PCDHA5: variants seen among roughly 807,000 people sequenced by gnomAD.
PCDHA5 encodes the protein protocadherin alpha 5.
A neutral mutation model predicts 61.6 loss-of-function variants in PCDHA5; 43 were observed. The observed-to-expected ratio is 0.70, with a 90% CI of 0.55 to 0.90. The LOEUF (loss-of-function observed/expected upper bound fraction) is 0.90, where lower values mean the gene tolerates loss of function less well. Among genes scored for constraint, PCDHA5 ranks in the 40% least tolerant of loss-of-function variants. The pLI is 0.00. For missense variants in PCDHA5, 1,298 were observed against 1,222.7 expected, an observed-to-expected ratio of 1.06 and a Z score of -0.92; for synonymous variants, 627 against 543.9, an observed-to-expected ratio of 1.15 and a Z score of -2.13.
intron 1 of PCDHA5, chr5:140,967,197 AC>A: frequency 6.2e-7 from 1 of 1,613,542 alleles, no homozygotes; most frequent in Non-Finnish European, 8.5e-7. Context: ...ATCAACGACA[AC>A]TCACCGCGTT....
At position 140,835,760 on chromosome 5, in the gene PCDHA5, G is replaced by A. The variant is rs2150244250; in HGVS notation, c.2352+11633G>A. On this transcript the variant is annotated intron_variant, in intron 1 of 3. Coordinates refer to ENST00000529859, the MANE Select transcript of PCDHA5 (RefSeq NM_018908.3). ...ACGCCCCGGCGTTCGCGCAGCCCGAGTATACGGTGTTCGTGAAGGAGAACA... is the reference window on the plus strand; with the variant it reads ...ACGCCCCGGCGTTCGCGCAGCCCGAATATACGGTGTTCGTGAAGGAGAACA... 15 of 1,613,420 alleles carry A rather than the reference G, an allele frequency of 9.3e-6. 1 individual carries two copies. The East Asian group carries it at 3.3e-4, about 36-fold the overall frequency.
In PCDHA5 at chr5:140,871,676, A is replaced by G. The variant is rs141392186; in HGVS notation, c.2352+47549A>G. ...TACACATCTTCAGTCTTTTAATCAT[A>G]TGAATAATCTGGCTTCTTTAACCAA... On this transcript the variant is annotated intron_variant, in intron 1 of 3. Coordinates refer to ENST00000529859, the MANE Select transcript of PCDHA5 (RefSeq NM_018908.3). 511 of 1,133,248 alleles carry G rather than the reference A, an allele frequency of 4.5e-4. 2 individuals carry two copies. The African/African-American group carries it at 7.0e-3, about 16-fold the overall frequency. The allele number at this position is 1,133,248 out of a possible 1,614,324, so 70.2% of individuals were successfully genotyped here.
At position 140,835,855 on chromosome 5, in the gene PCDHA5, C is replaced by T. The variant is rs2150246728; in HGVS notation, c.2352+11728C>T. On this transcript the variant is annotated intron_variant, in intron 1 of 3. Coordinates refer to ENST00000529859, the MANE Select transcript of PCDHA5 (RefSeq NM_018908.3). ...GACGCGCAGAAGAACGCGCTGGTGT[C>T]CTACTCGCTGGTGGAGCTGCGGGTG... 9.9e-6 allele frequency: 16 copies of T among 1,612,246 alleles called. 1 individual carries two copies. In the East Asian group the frequency reaches 3.6e-4, roughly 36 times the overall value.
Position 140,821,853 on chromosome 5 carries a change from G to C in PCDHA5, c.78G>C (p.Gly26=). 1 of 1,614,206 alleles carries C rather than the reference G, an allele frequency of 6.2e-7. No individual in the cohort carries two copies. The highest frequency in any genetic ancestry group is 1.1e-5 in the South Asian group (1 of 91,088). The change falls in exon 1 of 4, where the codon GGG becomes GGC. Residue 26 remains glycine, a synonymous_variant. Transcript: ENST00000529859. ...TTCTCCTTGCCTACTGGAAGGCAGG[G>C]AGCGGCCAGCTCCACTACTCGATCC... ...LWLLLAYWKA[G]SGQLHYSIPE... is the part of the protein sequence containing the mutation.
chr5:140,892,596 T>C (rs143701120), intron 1 of PCDHA5, among the ~76,000 whole-genome samples: 79 of 152,254 alleles, frequency 5.2e-4, no homozygotes, highest in African/African-American at 1.4e-3. Flanking sequence ...CATTCACCTA[T>C]TTTTTTCCTT....
intron 1 of PCDHA5, among the ~76,000 whole-genome samples, chr5:140,955,336 T>G (rs1294171389): frequency 1.3e-5 from 2 of 152,144 alleles, no homozygotes; most frequent in African/African-American, 2.4e-5. Context: ...GTTCCCATAA[T>G]CCCCACATGT....
At chr5:140,954,076 C>T (rs941125208) in intron 1 of PCDHA5, among the ~76,000 whole-genome samples, 4 of 152,150 alleles carry the variant, frequency 2.6e-5, no homozygotes, top group Non-Finnish European at 2.9e-5. Context: ...AGGATAATGG[C>T]TTCCAGCTCC....
At chr5:140,838,077 AGTGTGTGTGTGTGT>A (rs57130401) in intron 1 of PCDHA5, among the ~76,000 whole-genome samples, 81 of 80,694 alleles carry the variant, frequency 1.0e-3, no homozygotes, top group East Asian at 2.9e-3. Flanking sequence ...ATATATATAT[AGTGTGTGTGTGTGT>A]GTGTGTGTGT....
At chr5:140,834,114 G>A in intron 1 of PCDHA5, 1 of 419,090 alleles carries the variant, frequency 2.4e-6, no homozygotes, top group Admixed American at 4.0e-5. Context: ...TTCAGAGTTT[G>A]AAATAAAACT....
chr5:140,871,026 G>C (rs1562655563), intron 1 of PCDHA5: 2 of 1,613,220 alleles, frequency 1.2e-6, no homozygotes, highest in Non-Finnish European at 8.5e-7. Flanking sequence ...AGGCAGACTC[G>C]CCGCGCCACC....
chr5:140,861,587 G>C, intron 1 of PCDHA5: 1 of 374,992 alleles, frequency 2.7e-6, no homozygotes, highest in South Asian at 2.4e-5. Flanking sequence ...TCCATGTGGA[G>C]GTGAAAGTGA....
chr5:140,822,214 C>T lies in PCDHA5; in HGVS notation c.439C>T (p.Pro147Ser). Residue 147 changes from proline to serine, a missense_variant, in exon 1 of 4, where the codon CCA (proline) becomes TCA (serine). Coordinates refer to ENST00000529859, the MANE Select transcript of PCDHA5 (RefSeq NM_018908.3). ...ATTATTCATTTTAGAGTCAAGAATG[C>T]CAGATTCGCGGTTTCCGCTAGAGGG... ...QRLFILESRM[P>S]DSRFPLEGAS... The T allele has an allele frequency of 6.2e-7, 1 of 1,614,218 alleles. No homozygotes were observed.
At chr5:140,908,180 T>C (rs2073846080) in intron 1 of PCDHA5, among the ~76,000 whole-genome samples, 2 of 152,298 alleles carry the variant, frequency 1.3e-5, no homozygotes, top group East Asian at 3.9e-4. Context: ...AGCTGTCCAC[T>C]TTCAGGTGGT....
At position 140,856,940 on chromosome 5, in the gene PCDHA5, AC is replaced by A. The variant is rs782681005; in HGVS notation, c.2352+32814del. ...AAGGAAATTTTGGATAAACGAAAGGACGGGAGAAATAAAAGTAAATGATGCT... is the reference window on the plus strand; with the variant it reads ...AAGGAAATTTTGGATAAACGAAAGGAGGGAGAAATAAAAGTAAATGATGCT... On this transcript the variant is annotated intron_variant, in intron 1 of 3. Transcript: ENST00000529859. The A allele has an allele frequency of 1.9e-5, 30 of 1,593,712 alleles. No individual in the cohort carries two copies. In the South Asian group the frequency reaches 3.3e-4, roughly 18 times the overall value.
In PCDHA5 at chr5:140,841,358, C is replaced by A. The variant is rs2150314140; in HGVS notation, c.2352+17231C>A. ...CTGGCGAGGAGAGCTGGGATCCTGGCGACTACTACTCTTGCTTCTGCTCCT... is the reference window on the plus strand; with the variant it reads ...CTGGCGAGGAGAGCTGGGATCCTGGAGACTACTACTCTTGCTTCTGCTCCT... On this transcript the variant is annotated intron_variant, in intron 1 of 3. Coordinates refer to ENST00000529859, the MANE Select transcript of PCDHA5 (RefSeq NM_018908.3). 11 of 1,612,868 alleles carry A rather than the reference C, an allele frequency of 6.8e-6. No homozygotes were observed. In the Admixed American group the frequency reaches 1.2e-4, roughly 17 times the overall value.
intron 3 of PCDHA5, among the ~76,000 whole-genome samples, chr5:140,984,149 G>C (rs2097089041): frequency 6.6e-6 from 1 of 152,198 alleles, no homozygotes; most frequent in Non-Finnish European, 1.5e-5. Context: ...CATCTGGGAA[G>C]GTGAGAACTT....
At chr5:140,833,422 G>T (rs548825433) in intron 1 of PCDHA5, among the ~76,000 whole-genome samples, 4 of 152,178 alleles carry the variant, frequency 2.6e-5, no homozygotes, top group Admixed American at 2.0e-4. Context: ...CTGTATGTGA[G>T]ATGGCTGAGC....
chr5:140,824,239 G>A lies in PCDHA5; in HGVS notation c.2352+112G>A, dbSNP rs2150133402. The A allele has an allele frequency of 4.7e-6, 7 of 1,502,088 alleles. No individual in the cohort carries two copies. The East Asian group carries it at 6.8e-5, about 14-fold the overall frequency. The allele number at this position is 1,502,088 out of a possible 1,614,324, so 93.0% of individuals were successfully genotyped here. On this transcript the variant is annotated intron_variant, in intron 1 of 3. Coordinates refer to ENST00000529859, the MANE Select transcript of PCDHA5 (RefSeq NM_018908.3). The stretch of plus-strand genomic sequence containing the variant: ...AATTATGTCTTAGTACACAAATATT[G>A]TGGTACACAATTATTGCACTAATTC...
intron 1 of PCDHA5, among the ~76,000 whole-genome samples, chr5:140,957,275 C>T (rs1203444899): frequency 6.6e-6 from 1 of 152,158 alleles, no homozygotes; most frequent in African/African-American, 2.4e-5. Flanking sequence ...CTAGTCCCCC[C>T]TTACCTGCAG....
Sources: gnomAD v4.1 joint callset for allele counts (sites outside exome capture counted in the v4.1 genomes callset) on GRCh38, gnomAD v4.1.1 for gene constraint, MANE v1.5 for transcripts, NCBI Gene and HGNC (gene_info 2026-07-23, HGNC 2026-07-21) for gene names.